The following SLC44A1 variants were observed in gnomAD, a reference collection of about 807,000 sequenced individuals.
SLC44A1 encodes the protein choline transporter-like protein 1.
A neutral mutation model predicts 79.3 loss-of-function variants in SLC44A1; 26 were observed. That is an observed-to-expected ratio of 0.33 (90% confidence interval 0.24 to 0.46). SLC44A1 has a LOEUF of 0.46. Among genes scored for constraint, SLC44A1 ranks in the 20% least tolerant of loss-of-function variants. The pLI is 1.00. For missense variants in SLC44A1, 688 were observed against 798.1 expected (o/e 0.86, Z 1.66); for synonymous variants, 263 against 286.2 (o/e 0.92, Z 0.82).
At chr9:105,433,460 C>G (rs921879786) in intron 15 of SLC44A1, among the ~76,000 whole-genome samples, 1 of 152,186 alleles carries the variant, frequency 6.6e-6, no homozygotes, top group East Asian at 1.9e-4. Flanking sequence ...CTACTCTGTA[C>G]AGTCAGGCAA....
At chr9:105,299,394 A>G (rs1209160584) in intron 2 of SLC44A1, 85 bp downstream of exon 2, 3 of 817,180 alleles carry the variant, frequency 3.7e-6, no homozygotes, top group African/African-American at 1.8e-5. Context: ...GCAGTTGTGG[A>G]ATATACCAGT....
chr9:105,361,663 G>C (rs1827784211), intron 8 of SLC44A1, among the ~76,000 whole-genome samples: 1 of 152,178 alleles, frequency 6.6e-6, no homozygotes, highest in African/African-American at 2.4e-5. Flanking sequence ...CTGTAGAAAA[G>C]TATGTTAAAA....
chr9:105,426,075 CTAGT>C (rs1250618435), intron 15 of SLC44A1, among the ~76,000 whole-genome samples: 2 of 152,236 alleles, frequency 1.3e-5, no homozygotes, highest in East Asian at 3.9e-4. Flanking sequence ...AGATGAAAGA[CTAGT>C]TAGATGAGTA....
chr9:105,377,947 AAT>A (rs1284934836), intron 13 of SLC44A1, among the ~76,000 whole-genome samples: 6 of 151,960 alleles, frequency 3.9e-5, no homozygotes, highest in African/African-American at 1.5e-4. Context: ...CAATACATAG[AAT>A]TTAAAATCTA....
At chr9:105,419,370 T>C (rs576184928) in intron 15 of SLC44A1, among the ~76,000 whole-genome samples, 2 of 152,290 alleles carry the variant, frequency 1.3e-5, no homozygotes, top group East Asian at 3.9e-4. Context: ...AGAAAGGAGA[T>C]TGTGCCTTCA....
chr9:105,258,911 G>A (rs1829776873), intron 1 of SLC44A1, among the ~76,000 whole-genome samples: 1 of 151,450 alleles, frequency 6.6e-6, no homozygotes, highest in Admixed American at 6.6e-5. Context: ...CACCATGTTG[G>A]CCAGGCTGGT....
chr9:105,268,354 C>A (rs1830006760), intron 1 of SLC44A1, among the ~76,000 whole-genome samples: 1 of 152,142 alleles, frequency 6.6e-6, no homozygotes, highest in Non-Finnish European at 1.5e-5. Context: ...ATTCTCCCAC[C>A]TGCTTCGTAG....
Position 105,303,901 on chromosome 9 carries a change from G to A in SLC44A1, c.126+4592G>A, listed in dbSNP as rs568046199. On this transcript the variant is annotated intron_variant, in intron 2 of 15. Transcript: ENST00000374720. ...TGTTAGGAAGCTAGGGTGAGGAGCA[G>A]AAGCATGGAGAAAGGAGACTGCAGT... Among the ~76,000 whole-genome samples, 5 of 152,316 alleles carry A rather than the reference G, an allele frequency of 3.3e-5. No individual in the cohort carries two copies. In the East Asian group the frequency reaches 9.6e-4, roughly 29 times the overall value.
At chr9:105,370,460 C>T (rs1413863264) in intron 12 of SLC44A1, among the ~76,000 whole-genome samples, 1 of 152,102 alleles carries the variant, frequency 6.6e-6, no homozygotes, top group African/African-American at 2.4e-5. Context: ...ACATTCGACC[C>T]TCACAGAAAT....
chr9:105,420,852 A>C (rs950721419), intron 15 of SLC44A1, among the ~76,000 whole-genome samples: 97 of 134,598 alleles, frequency 7.2e-4, no homozygotes, highest in Non-Finnish European at 9.7e-4. Context: ...CAAGAGTGAA[A>C]CTCCATCTCA....
At chr9:105,269,753 G>T (rs370838259) in intron 1 of SLC44A1, among the ~76,000 whole-genome samples, 1 of 152,162 alleles carries the variant, frequency 6.6e-6, no homozygotes, top group African/African-American at 2.4e-5. Flanking sequence ...TTGCTTGAAG[G>T]TTACTGACAG....
intron 12 of SLC44A1, among the ~76,000 whole-genome samples, chr9:105,372,212 A>G (rs1250232301): frequency 6.6e-6 from 1 of 152,192 alleles, no homozygotes; most frequent in Non-Finnish European, 1.5e-5. Flanking sequence ...TAATATAGTA[A>G]TAATATTCTG....
At chr9:105,422,478 G>A (rs1036609859) in intron 15 of SLC44A1, among the ~76,000 whole-genome samples, 7 of 151,686 alleles carry the variant, frequency 4.6e-5, no homozygotes, top group African/African-American at 1.2e-4. Flanking sequence ...TAGTAGAGAC[G>A]GGGTTTCACC....
At chr9:105,377,890 A>G (rs1828342197) in intron 13 of SLC44A1, among the ~76,000 whole-genome samples, 1 of 152,126 alleles carries the variant, frequency 6.6e-6, no homozygotes, top group Admixed American at 6.5e-5. Flanking sequence ...TAGAGTGTCT[A>G]CTAGTAATGT....
At chr9:105,360,991 T>C (rs1370269236) in intron 7 of SLC44A1, among the ~76,000 whole-genome samples, 200 bp from the exon 8 acceptor site, 1 of 152,190 alleles carries the variant, frequency 6.6e-6, no homozygotes, top group African/African-American at 2.4e-5. Context: ...TATAAATGCT[T>C]AATGTGGAGG....
rs117766832 is a variant in SLC44A1 at position 105,277,844 on chromosome 9, C to T, written c.37-21376C>T. Among the ~76,000 whole-genome samples, 426 of 152,250 alleles carry T rather than the reference C, an allele frequency of 2.8e-3. 3 individuals carry two copies. Among genetic ancestry groups the T allele is most frequent in the South Asian group, 0.019 (94 of 4,822 alleles). ...ACTAAAAAACAAAATAAAACAAGAG[C>T]CAGCACAGTCAACTCTAACTGGTAC... On this transcript the variant is annotated intron_variant, in intron 1 of 15. Coordinates refer to ENST00000374720, the MANE Select transcript of SLC44A1 (RefSeq NM_080546.5).
chr9:105,395,111 T>C lies in SLC44A1; in HGVS notation c.*6055T>C, dbSNP rs2131490989. 6 of 985,482 alleles carry C rather than the reference T, an allele frequency of 6.1e-6. No homozygotes were observed. The highest frequency in any genetic ancestry group is 7.2e-6 in the Non-Finnish European group (6 of 829,950). 61.0% of individuals were successfully genotyped at this position (985,482 alleles called of 1,614,324 possible). ...AGTCAGGCATCAAACCATTTCCTAC[T>C]TTTTCAGGCTGAAGAAAGTGGAAAT... On this transcript the variant is annotated 3_prime_UTR_variant, in exon 16 of 16. Transcript: ENST00000374720.
chr9:105,385,471 G>GCGT lies in SLC44A1; in HGVS notation c.1922_1924dup (p.Val641dup). 1 of 1,584,838 alleles carries GCGT rather than the reference G, an allele frequency of 6.3e-7. No individual in the cohort carries two copies. The highest frequency in any genetic ancestry group is 8.6e-7 in the Non-Finnish European group (1 of 1,165,176). ...GCAATGAAAGAAGCTGGTAAGGGAG[G>GCGT]CGTCGCTGATTCCAGAGAGCTAAAG... On this transcript the variant is annotated inframe_insertion, in exon 15 of 16. Coordinates refer to ENST00000374720, the MANE Select transcript of SLC44A1 (RefSeq NM_080546.5).
intron 3 of SLC44A1, among the ~76,000 whole-genome samples, chr9:105,331,821 A>G (rs1435665290): frequency 6.6e-6 from 1 of 152,204 alleles, no homozygotes; most frequent in Non-Finnish European, 1.5e-5. Context: ...CAGAGGTACT[A>G]TGTTTGAATT....
Sources: gnomAD v4.1 joint callset for allele counts (sites outside exome capture counted in the v4.1 genomes callset) on GRCh38, gnomAD v4.1.1 for gene constraint, MANE v1.5 for transcripts, NCBI Gene and HGNC (gene_info 2026-07-23, HGNC 2026-07-21) for gene names.